SPMIP2: variants seen among roughly 807,000 people sequenced by gnomAD.
SPMIP2 encodes sperm microtubule inner protein 2.
At chr4:159,004,960 C>T in the SPMIP2 span, among the ~76,000 whole-genome samples, 2 of 151,854 alleles carry the variant, frequency 1.3e-5, no homozygotes, top group African/African-American at 2.4e-5. Flanking sequence ...CGGCCAGACA[C>T]GGTGGCTCAC....
At chr4:158,992,797 T>C in the SPMIP2 span, among the ~76,000 whole-genome samples, 1 of 152,184 alleles carries the variant, frequency 6.6e-6, no homozygotes, top group Non-Finnish European at 1.5e-5. Flanking sequence ...GGAGGTGCTG[T>C]GAAGCCTTCT....
the SPMIP2 span, among the ~76,000 whole-genome samples, chr4:158,914,197 C>G: frequency 2.6e-5 from 4 of 152,230 alleles, no homozygotes; most frequent in Non-Finnish European, 5.9e-5. Flanking sequence ...TCCACACACA[C>G]TGCAATAAAT....
chr4:159,052,479 T>C, the SPMIP2 span, among the ~76,000 whole-genome samples: 1 of 152,090 alleles, frequency 6.6e-6, no homozygotes, highest in African/African-American at 2.4e-5. Context: ...AACTAGCCAG[T>C]TGTGCAGGGT....
At chr4:159,073,582 A>C in the SPMIP2 span, among the ~76,000 whole-genome samples, 13 of 152,216 alleles carry the variant, frequency 8.5e-5, no homozygotes, top group Non-Finnish European at 1.3e-4. Flanking sequence ...TGTACTTTAA[A>C]AATAAGAAGA....
the SPMIP2 span, chr4:158,973,007 TG>T: frequency 9.7e-7 from 1 of 1,026,708 alleles, no homozygotes; most frequent in Non-Finnish European, 1.4e-6. Flanking sequence ...ACATTTCCTT[TG>T]GAAGCAAATT....
chr4:158,912,043 A>C, the SPMIP2 span, among the ~76,000 whole-genome samples: 6 of 152,186 alleles, frequency 3.9e-5, no homozygotes, highest in Admixed American at 2.0e-4. Flanking sequence ...AATGTATAAT[A>C]ATAAATAATG....
chr4:158,947,345 A>C, the SPMIP2 span, among the ~76,000 whole-genome samples: 1 of 152,212 alleles, frequency 6.6e-6, no homozygotes, highest in Non-Finnish European at 1.5e-5. Context: ...TAGTTTAACA[A>C]CTGGTTTTGG....
At chr4:159,043,962 C>T in the SPMIP2 span, among the ~76,000 whole-genome samples, 1 of 152,150 alleles carries the variant, frequency 6.6e-6, no homozygotes, top group Non-Finnish European at 1.5e-5. Flanking sequence ...ATAAAAACAG[C>T]TCTTACCTTT....
At chr4:158,945,612 T>A in the SPMIP2 span, among the ~76,000 whole-genome samples, 46 of 152,294 alleles carry the variant, frequency 3.0e-4, no homozygotes, top group African/African-American at 9.9e-4. Context: ...TGGTTTATAG[T>A]CATCAAATAT....
the SPMIP2 span, among the ~76,000 whole-genome samples, chr4:158,964,154 AAAC>A: frequency 3.0e-4 from 18 of 60,076 alleles, 1 homozygote; most frequent in East Asian, 3.3e-3. Context: ...GACTATCTCA[AAAC>A]AAAACAAAAC....
the SPMIP2 span, among the ~76,000 whole-genome samples, chr4:158,896,026 CAGCATGTT>C: frequency 6.6e-6 from 1 of 152,174 alleles, no homozygotes; most frequent in African/African-American, 2.4e-5. Context: ...CCCCAATGAA[CAGCATGTT>C]CCGTTATCTG....
the SPMIP2 span, among the ~76,000 whole-genome samples, chr4:159,027,707 A>T: frequency 2.0e-5 from 3 of 152,230 alleles, no homozygotes; most frequent in African/African-American, 4.8e-5. Context: ...CTATTTTTAA[A>T]ATAATTGAAT....
chr4:158,936,119 C>G, the SPMIP2 span, among the ~76,000 whole-genome samples: 1 of 152,198 alleles, frequency 6.6e-6, no homozygotes, highest in Non-Finnish European at 1.5e-5. Context: ...CAGAAACAAA[C>G]CTTATATTCT....
At chr4:159,032,101 A>G in the SPMIP2 span, among the ~76,000 whole-genome samples, 1 of 152,090 alleles carries the variant, frequency 6.6e-6, no homozygotes, top group Non-Finnish European at 1.5e-5. Context: ...TCACGTCTGT[A>G]ATTCCAGCTA....
chr4:158,964,172 CA>C, the SPMIP2 span, among the ~76,000 whole-genome samples: 3 of 38,196 alleles, frequency 7.9e-5, no homozygotes, highest in East Asian at 2.4e-3. Context: ...CAAAACAAAA[CA>C]AAACAAAACA....
the SPMIP2 span, among the ~76,000 whole-genome samples, chr4:158,945,812 A>G: frequency 2.6e-5 from 4 of 152,366 alleles, no homozygotes; most frequent in South Asian, 2.1e-4. Flanking sequence ...GAAGATGGAC[A>G]TAAGACTCAT....
the SPMIP2 span, chr4:159,035,154 A>G: frequency 7.1e-7 from 1 of 1,414,102 alleles, no homozygotes; most frequent in South Asian, 1.2e-5. Context: ...AAATCAGTTA[A>G]GCTGCACCAG....
chr4:158,965,023 A>G, the SPMIP2 span, among the ~76,000 whole-genome samples: 1 of 152,180 alleles, frequency 6.6e-6, no homozygotes, highest in East Asian at 1.9e-4. Flanking sequence ...GCCAAACCCT[A>G]TCAGGCCACA....
At chr4:159,042,677 T>C in the SPMIP2 span, among the ~76,000 whole-genome samples, 2 of 152,334 alleles carry the variant, frequency 1.3e-5, no homozygotes, top group African/African-American at 4.8e-5. Context: ...GTTTTTGTTT[T>C]TTTGAGACAG....
Sources: allele counts gnomAD v4.1 joint callset (sites outside exome capture counted in the v4.1 genomes callset), GRCh38; gene constraint gnomAD v4.1.1; transcripts MANE v1.5; gene names NCBI Gene and HGNC (gene_info 2026-07-23, HGNC 2026-07-21).